The following R3HDM1 variants were observed in gnomAD, a reference collection of about 807,000 sequenced individuals.
R3HDM1 encodes R3H domain containing 1, also known as R3H domain-containing protein 1.
In R3HDM1, 46 loss-of-function variants were observed where a neutral mutation model predicts 141.1. The observed-to-expected ratio is 0.33, with a 90% CI of 0.26 to 0.42. The LOEUF (loss-of-function observed/expected upper bound fraction) is 0.42. R3HDM1 is among the 10% of genes least tolerant of loss of function. The pLI is 1.00. For synonymous variants in R3HDM1, 435 were observed against 472.9 expected, an observed-to-expected ratio of 0.92 and a Z score of 1.04; for missense variants, 1,184 against 1,368.3, an observed-to-expected ratio of 0.87 and a Z score of 2.12.
At chr2:135,580,593 G>A (rs2105027590) in intron 1 of R3HDM1, among the ~76,000 whole-genome samples, 1 of 152,210 alleles carries the variant, frequency 6.6e-6, no homozygotes, top group South Asian at 2.1e-4. Flanking sequence ...TGAAAAATCT[G>A]TACATGTCAC....
At chr2:135,711,244 A>C (rs1182308286) in intron 23 of R3HDM1, among the ~76,000 whole-genome samples, 8 of 152,236 alleles carry the variant, frequency 5.3e-5, no homozygotes, top group East Asian at 3.8e-4. Flanking sequence ...TTACTTGACA[A>C]ATTGGCCCTG....
rs980941191 is a variant in R3HDM1 at position 135,531,646 on chromosome 2, C to T, written c.-250+13C>T. 6.1e-6 allele frequency: 6 copies of T among 986,196 alleles called. No homozygotes were observed. The highest frequency in any genetic ancestry group is 9.4e-5 in the South Asian group (2 of 21,348). The allele number at this position is 986,196 out of a possible 1,614,324, so 61.1% of individuals were successfully genotyped here. A position where few individuals can be genotyped will look rare whatever the true frequency, so the allele number is the denominator to read the frequency against. On this transcript the variant is annotated intron_variant, in intron 1 of 26. Coordinates refer to ENST00000683871, the MANE Select transcript of R3HDM1 (RefSeq NM_001378107.1). Reference sequence around the variant, plus strand: ...CTCAGTAACGCGGGTAAGAGATGCCCTTCCCTCCCCCGTCCAGCTCCCCGG... The same window carrying T: ...CTCAGTAACGCGGGTAAGAGATGCCTTTCCCTCCCCCGTCCAGCTCCCCGG...
intron 1 of R3HDM1, chr2:135,559,064 T>TG: frequency 1.1e-6 from 1 of 926,926 alleles, no homozygotes; most frequent in Non-Finnish European, 1.3e-6. Flanking sequence ...TGTGTGTGTG[T>TG]GTGTGTGTGT....
Position 135,645,559 on chromosome 2 carries a change from T to C in R3HDM1, c.1623+32T>C, listed in dbSNP as rs1035354683. ...ATATCCATGATTACATAATGCTAAG[T>C]TGACTTGCCTTTACATATTTGGGAC... is the stretch of plus-strand genomic sequence containing the variant. On this transcript the variant is annotated intron_variant, in intron 16 of 26. Coordinates refer to ENST00000683871, the MANE Select transcript of R3HDM1 (RefSeq NM_001378107.1). 3.7e-6 allele frequency: 6 copies of C among 1,604,078 alleles called. No homozygotes were observed. In the African/African-American group the frequency reaches 5.4e-5, roughly 14 times the overall value.
intron 1 of R3HDM1, among the ~76,000 whole-genome samples, chr2:135,591,553 T>C (rs370642146): frequency 6.6e-6 from 1 of 152,360 alleles, no homozygotes; most frequent in African/African-American, 2.4e-5. Flanking sequence ...GATGTTCACC[T>C]TATGAACTGC....
intron 11 of R3HDM1, 144 bp downstream of exon 11, chr2:135,636,327 C>A: frequency 1.5e-6 from 2 of 1,358,754 alleles, no homozygotes; most frequent in East Asian, 2.6e-5. Flanking sequence ...ATATTGAGAT[C>A]AGTTTTGCTT....
chr2:135,646,892 A>AAGAAG (rs1553601778), intron 16 of R3HDM1, among the ~76,000 whole-genome samples: 140 of 146,570 alleles, frequency 9.6e-4, no homozygotes, highest in Middle Eastern at 3.5e-3. Flanking sequence ...AAAAAAAAAA[A>AAGAAG]AAGAAGAAGT....
chr2:135,631,775 T>A lies in R3HDM1; in HGVS notation c.555T>A (p.Asn185Lys), dbSNP rs1254285526. The A allele has an allele frequency of 4.5e-6, 7 of 1,571,716 alleles. No individual in the cohort carries two copies. The highest frequency in any genetic ancestry group is 6.0e-6 in the Non-Finnish European group (7 of 1,163,022). Residue 185 changes from asparagine to lysine, a missense_variant and splice_region_variant, in exon 8 of 27, where the codon AAT becomes AAA. Coordinates refer to ENST00000683871, the MANE Select transcript of R3HDM1 (RefSeq NM_001378107.1). ...AAATTTTAGATTTCATTGGTAATAA[T>A]GAGTAAGTCCTGACATTCAACAAGA... ...EQEILDFIGNNESPRKKFPPM... is the reference protein window; with the variant it reads ...EQEILDFIGNKESPRKKFPPM...
intron 1 of R3HDM1, among the ~76,000 whole-genome samples, chr2:135,574,537 GA>G (rs1013264790): frequency 1.3e-5 from 2 of 152,108 alleles, no homozygotes; most frequent in African/African-American, 4.8e-5. Flanking sequence ...GAACAGTATT[GA>G]AAAAAGAAAG....
At chr2:135,615,290 A>G (rs1336131154) in intron 3 of R3HDM1, among the ~76,000 whole-genome samples, 2 of 151,192 alleles carry the variant, frequency 1.3e-5, no homozygotes, top group African/African-American at 4.9e-5. Context: ...GATATTAAGG[A>G]TTTTGTATCT....
rs546576311 is a variant in R3HDM1 at position 135,545,750 on chromosome 2, G to GA, written c.-250+14117_-250+14118insA. Among the ~76,000 whole-genome samples, 22 of 152,232 alleles carry GA rather than the reference G, an allele frequency of 1.4e-4. No homozygotes were observed. The South Asian group carries it at 4.6e-3, about 32-fold the overall frequency. The stretch of plus-strand genomic sequence containing the variant: ...TCTTCATCCCAAATGTAGTGGATTT[G>GA]GGGGGACACTTGTGACGTCTAAACA... On this transcript the variant is annotated intron_variant, in intron 1 of 26. Coordinates refer to ENST00000683871, the MANE Select transcript of R3HDM1 (RefSeq NM_001378107.1).
intron 19 of R3HDM1, among the ~76,000 whole-genome samples, chr2:135,666,313 G>C (rs992041898): frequency 2.0e-5 from 3 of 152,156 alleles, no homozygotes; most frequent in African/African-American, 7.2e-5. Context: ...AGGGACTCAA[G>C]GCACAAAGTC....
chr2:135,538,609 T>G (rs1190967405), intron 1 of R3HDM1, among the ~76,000 whole-genome samples: 2 of 152,180 alleles, frequency 1.3e-5, no homozygotes, highest in African/African-American at 4.8e-5. Flanking sequence ...TTTAAAAGGT[T>G]TTGGAGTTTG....
chr2:135,681,189 G>A (rs1488853758), intron 21 of R3HDM1, among the ~76,000 whole-genome samples: 2 of 152,156 alleles, frequency 1.3e-5, no homozygotes, highest in Non-Finnish European at 1.5e-5. Flanking sequence ...TGTTCAGAAT[G>A]TATTACCAAA....
In R3HDM1 at chr2:135,724,604, C is replaced by G; in HGVS notation, c.*312C>G. ...AAATTCTTGTATCAGATCCAAAGCTCTATTGTACAGCAAATTATTCTTCAA... is the reference window on the plus strand; with the variant it reads ...AAATTCTTGTATCAGATCCAAAGCTGTATTGTACAGCAAATTATTCTTCAA... On this transcript the variant is annotated 3_prime_UTR_variant, in exon 27 of 27. Transcript: ENST00000683871. The G allele has an allele frequency of 4.4e-6, 1 of 229,254 alleles. No individual in the cohort carries two copies. Among genetic ancestry groups the G allele is most frequent in the Non-Finnish European group, 8.5e-6 (1 of 118,284 alleles). 14.2% of individuals were successfully genotyped at this position (229,254 alleles called of 1,614,324 possible).
At chr2:135,571,710 T>C (rs2104996827) in intron 1 of R3HDM1, among the ~76,000 whole-genome samples, 1 of 152,318 alleles carries the variant, frequency 6.6e-6, no homozygotes, top group African/African-American at 2.4e-5. Flanking sequence ...CACTGCAGCC[T>C]CTACCCCTGG....
chr2:135,553,508 C>G (rs1700179865), intron 1 of R3HDM1, among the ~76,000 whole-genome samples: 1 of 152,150 alleles, frequency 6.6e-6, no homozygotes, highest in South Asian at 2.1e-4. Flanking sequence ...ATCAGGGATT[C>G]AGGAGCATCA....
intron 23 of R3HDM1, among the ~76,000 whole-genome samples, chr2:135,712,273 C>T (rs2075732556): frequency 6.6e-6 from 1 of 151,962 alleles, no homozygotes; most frequent in Non-Finnish European, 1.5e-5. Flanking sequence ...CTCCTGGGCT[C>T]ATCATTTAGA....
rs773472894 is a variant in R3HDM1, at chr2:135,673,989, C to T, written c.2153-1343C>T. 2.6e-5 allele frequency among the ~76,000 whole-genome samples: 4 copies of T among 152,250 alleles called. No homozygotes were observed. In the South Asian group the frequency reaches 8.3e-4, roughly 32 times the overall value. On this transcript the variant is annotated intron_variant, in intron 19 of 26. Coordinates refer to ENST00000683871, the MANE Select transcript of R3HDM1 (RefSeq NM_001378107.1). ...ATGTTGCCCAGGCTGGTCTCAAACT[C>T]CTGAGCTTACCCACTTCCATCCACC...
Sources: gnomAD v4.1 joint callset for allele counts (sites outside exome capture counted in the v4.1 genomes callset) on GRCh38, gnomAD v4.1.1 for gene constraint, MANE v1.5 for transcripts, NCBI Gene and HGNC (gene_info 2026-07-23, HGNC 2026-07-21) for gene names.